Variants in FOXO3 observed in about 807,000 individuals in gnomAD.
FOXO3 encodes forkhead box O3.
In FOXO3, 4 loss-of-function variants were observed where a neutral mutation model predicts 41.9. That is an observed-to-expected ratio of 0.10 (90% CI 0.05 to 0.22). The LOEUF is 0.22. Among genes scored for constraint, FOXO3 ranks in the 10% least tolerant of loss-of-function variants. The probability of loss-of-function intolerance (pLI) is 1.00; values close to 1 mark genes in which losing one functional copy is unlikely to be tolerated. For missense variants in FOXO3, 534 were observed against 906.8 expected, an observed-to-expected ratio of 0.59 and a Z score of 5.28; for synonymous variants, 318 against 389.3, an observed-to-expected ratio of 0.82 and a Z score of 2.16.
At chr6:108,625,466 C>A (rs1777786983) in intron 1 of FOXO3, among the ~76,000 whole-genome samples, 1 of 152,182 alleles carries the variant, frequency 6.6e-6, no homozygotes, top group Non-Finnish European at 1.5e-5. Context: ...AAGGTGCATT[C>A]ACATATCTCA....
rs937179917 is a variant in FOXO3 at position 108,573,155 on chromosome 6, C to T, written c.621+11326C>T. 3.9e-5 allele frequency among the ~76,000 whole-genome samples: 6 copies of T among 151,986 alleles called. No homozygotes were observed. The East Asian group carries it at 5.8e-4, about 15-fold the overall frequency. On this transcript the variant is annotated intron_variant, in intron 1 of 2. Transcript: ENST00000406360. ...CAAAAAAATTAGCTGGGTGTGGTGG[C>T]GGGCACCTGTAGTACCAGCTACTCG... is the stretch of plus-strand genomic sequence containing the variant.
chr6:108,603,861 TAAAA>T (rs1272781075), intron 1 of FOXO3, among the ~76,000 whole-genome samples: 1 of 152,164 alleles, frequency 6.6e-6, no homozygotes, highest in Non-Finnish European at 1.5e-5. Flanking sequence ...ATTTTTTAAA[TAAAA>T]ATTTCCCAGC....
rs1311204804 is a variant in FOXO3 at position 108,561,383 on chromosome 6, G to A, written c.175G>A (p.Glu59Lys). 9 of 1,554,248 alleles carry A rather than the reference G, an allele frequency of 5.8e-6. No homozygotes were observed. Among genetic ancestry groups the A allele is most frequent in the Admixed American group, 1.9e-5 (1 of 51,588 alleles). ...GETAADSMIP[E>K]EEDDEDDEDG... ...GACGGCCGCCGACTCCATGATCCCCGAGGAGGAGGACGATGAAGACGACGA... is the reference window on the plus strand; with the variant it reads ...GACGGCCGCCGACTCCATGATCCCCAAGGAGGAGGACGATGAAGACGACGA... The change falls in exon 1 of 3, where the codon GAG (glutamate) becomes AAG (lysine). Residue 59 changes from glutamate (E) to lysine (K), a missense_variant. Physicochemically the swap from Glu to Lys is moderately conservative, Grantham distance 56. Around this residue, in one of 8 missense-constraint regions of FOXO3, gnomAD observed 139 missense variants for 163.7 expected, o/e 0.85. Transcript: ENST00000406360.
chr6:108,656,181 A>AG lies in FOXO3; in HGVS notation c.622-7274_622-7273insG, dbSNP rs1276020136. ...GGGGGTTGTCTTTAAAGAAAAAAAA[A>AG]AAGCAGGGGCTTTTAAGAGTTAAAT... On this transcript the variant is annotated intron_variant, in intron 1 of 2. Coordinates refer to ENST00000406360, the MANE Select transcript of FOXO3 (RefSeq NM_001455.4). The AG allele has an allele frequency of 2.8e-5, 5 of 175,718 alleles. No homozygotes were observed. The East Asian group carries it at 9.4e-4, about 33-fold the overall frequency. 10.9% of individuals were successfully genotyped at this position (175,718 alleles called of 1,614,324 possible).
intron 1 of FOXO3, among the ~76,000 whole-genome samples, chr6:108,563,649 G>A (rs1744225351): frequency 6.6e-6 from 1 of 152,318 alleles, no homozygotes; most frequent in African/African-American, 2.4e-5. Flanking sequence ...TGAAAAGTTA[G>A]TTAACTTTAA....
At chr6:108,631,117 G>A (rs949377683) in intron 1 of FOXO3, among the ~76,000 whole-genome samples, 2 of 152,104 alleles carry the variant, frequency 1.3e-5, no homozygotes, top group African/African-American at 4.8e-5. Context: ...AACCATCAGT[G>A]TTTTCCAAAT....
intron 1 of FOXO3, among the ~76,000 whole-genome samples, chr6:108,620,621 A>C (rs1205404543): frequency 1.3e-5 from 2 of 152,232 alleles, no homozygotes; most frequent in East Asian, 3.8e-4. Flanking sequence ...GAGAACATCA[A>C]GTCATTATTT....
intron 1 of FOXO3, among the ~76,000 whole-genome samples, chr6:108,634,340 G>A (rs1778056830): frequency 6.6e-6 from 1 of 152,104 alleles, no homozygotes; most frequent in African/African-American, 2.4e-5. Flanking sequence ...GTGGCGCAAG[G>A]TTTCAGAGAT....
intron 1 of FOXO3, among the ~76,000 whole-genome samples, chr6:108,584,841 C>T (rs1776530063): frequency 6.6e-6 from 1 of 151,928 alleles, no homozygotes; most frequent in Non-Finnish European, 1.5e-5. Context: ...CTCTGAATAG[C>T]CTCAGTAGTA....
chr6:108,597,765 C>T (rs1776927146), intron 1 of FOXO3, among the ~76,000 whole-genome samples: 1 of 152,120 alleles, frequency 6.6e-6, no homozygotes, highest in Admixed American at 6.5e-5. Flanking sequence ...GTGAGGTAGC[C>T]AGAGAGCTAT....
chr6:108,614,629 G>A (rs1302840744), intron 1 of FOXO3, among the ~76,000 whole-genome samples: 1 of 151,806 alleles, frequency 6.6e-6, no homozygotes, highest in Non-Finnish European at 1.5e-5. Context: ...TGGATTCCAT[G>A]CAGATAGCAA....
At chr6:108,616,533 G>A (rs886809594) in intron 1 of FOXO3, among the ~76,000 whole-genome samples, 17 of 152,014 alleles carry the variant, frequency 1.1e-4, no homozygotes, top group African/African-American at 3.4e-4. Flanking sequence ...CTGGCCTCAA[G>A]CAATCCTCCC....
At chr6:108,649,586 A>G (rs1778492625) in intron 1 of FOXO3, among the ~76,000 whole-genome samples, 3 of 138,516 alleles carry the variant, frequency 2.2e-5, no homozygotes, top group East Asian at 2.1e-4. Context: ...ATGCAGTGAC[A>G]TGATCTTGGC....
At chr6:108,648,411 A>C (rs2128381642) in intron 1 of FOXO3, among the ~76,000 whole-genome samples, 1 of 152,310 alleles carries the variant, frequency 6.6e-6, no homozygotes, top group Admixed American at 6.5e-5. Flanking sequence ...ATGTAGATGA[A>C]ACACTGAAAA....
At chr6:108,645,458 CT>C (rs754308130) in intron 1 of FOXO3, among the ~76,000 whole-genome samples, 10,517 of 141,206 alleles carry the variant, frequency 0.074, 446 homozygotes, top group South Asian at 0.23. Flanking sequence ...CCCAGAATTG[CT>C]TTTTTTTTTT....
chr6:108,620,162 T>C (rs919630354), intron 1 of FOXO3, among the ~76,000 whole-genome samples: 1 of 152,154 alleles, frequency 6.6e-6, no homozygotes, highest in Non-Finnish European at 1.5e-5. Context: ...AATTCTTTTA[T>C]TAGATTTTTG....
At chr6:108,564,909 TTTC>T (rs1775914250) in intron 1 of FOXO3, among the ~76,000 whole-genome samples, 1 of 152,192 alleles carries the variant, frequency 6.6e-6, no homozygotes, top group Admixed American at 6.5e-5. Context: ...AGCTAATGAC[TTTC>T]TTAAGATCAC....
chr6:108,609,467 T>C (rs1230347092), intron 1 of FOXO3, among the ~76,000 whole-genome samples: 1 of 152,214 alleles, frequency 6.6e-6, no homozygotes, highest in East Asian at 1.9e-4. Flanking sequence ...GTTGTAAAGC[T>C]GTGCTCTTGA....
chr6:108,606,481 A>C (rs1002428525), intron 1 of FOXO3, among the ~76,000 whole-genome samples: 1 of 152,232 alleles, frequency 6.6e-6, no homozygotes, highest in Non-Finnish European at 1.5e-5. Flanking sequence ...CTGGTATAAC[A>C]GAAAGTCAGA....
Sources: gnomAD v4.1 joint callset for allele counts (sites outside exome capture counted in the v4.1 genomes callset) on GRCh38, gnomAD v4.1.1 for gene constraint, gnomAD v4.1.1 regional missense constraint, MANE v1.5 for transcripts, NCBI Gene and HGNC (gene_info 2026-07-23, HGNC 2026-07-21) for gene names.